Variants in LTF observed in about 807,000 individuals in gnomAD.
The protein encoded by LTF is lactotransferrin, also known as epididymis luminal protein 110.
Under a neutral mutation model 87.2 loss-of-function variants are expected in LTF, and 91 were observed. The ratio of observed to expected loss-of-function variants is 1.04; its 90% CI spans 0.88 to 1.24. The LOEUF (loss-of-function observed/expected upper bound fraction) is 1.24, where lower values mean the gene tolerates loss of function less well. Among genes scored for constraint, LTF ranks in the 50% most tolerant of loss-of-function variants. LTF has a pLI of 0.00. For synonymous variants in LTF, 378 were observed against 356.1 expected (o/e 1.06, Z -0.69); for missense variants, 901 against 904.3 (o/e 1.00, Z 0.05).
At chr3:46,459,452 G>C (rs540977758) in intron 2 of LTF, among the ~76,000 whole-genome samples, 2 of 152,328 alleles carry the variant, frequency 1.3e-5, no homozygotes, top group South Asian at 4.1e-4. Context: ...GGAGGCTCCA[G>C]GTTCCTCACA....
intron 1 of LTF, among the ~76,000 whole-genome samples, chr3:46,482,162 A>G (rs1171516527): frequency 6.6e-6 from 1 of 152,148 alleles, no homozygotes; most frequent in Non-Finnish European, 1.5e-5. Flanking sequence ...CTGCATTATT[A>G]ACATTTTCTC....
intron 1 of LTF, among the ~76,000 whole-genome samples, chr3:46,484,144 A>C (rs1703486567): frequency 6.6e-6 from 1 of 152,162 alleles, no homozygotes; most frequent in East Asian, 1.9e-4. Context: ...CAATGGCTGA[A>C]GAGGGAAGGG....
Position 46,437,961 on chromosome 3 carries a change from G to A in LTF, c.2077C>T (p.Leu693=), listed in dbSNP as rs1702424241. The change falls in exon 16 of 17, where the codon CTG becomes TTG. Residue 693 remains leucine, a synonymous_variant. Coordinates refer to ENST00000231751, the MANE Select transcript of LTF (RefSeq NM_002343.6). The part of the protein sequence containing the change: ...GPQYVAGITN[L]KKCSTSPLLE... Reference sequence around the variant, plus strand: ...TTACGGGAGGTTGAGCACTTTTTCAGATTAGTAATGCCTGCGACATACTGT... The same window carrying A: ...TTACGGGAGGTTGAGCACTTTTTCAAATTAGTAATGCCTGCGACATACTGT... 7 of 1,613,626 alleles carry A rather than the reference G, an allele frequency of 4.3e-6. No homozygotes were observed. Among genetic ancestry groups the A allele is most frequent in the South Asian group, 3.3e-5 (3 of 91,016 alleles).
intron 1 of LTF, among the ~76,000 whole-genome samples, chr3:46,472,758 C>T (rs374450644): frequency 1.6e-3 from 238 of 152,168 alleles, no homozygotes; most frequent in African/African-American, 5.6e-3. Context: ...GAGAGCAATG[C>T]CTCTGAACCA....
At chr3:46,472,488 TTGTGTGTGTGTGTGTG>T (rs34825595) in intron 1 of LTF, among the ~76,000 whole-genome samples, 1 of 106,890 alleles carries the variant, frequency 9.4e-6, no homozygotes, top group African/African-American at 3.9e-5. Flanking sequence ...GAAAAGATTA[TTGTGTGTGTGTGTGTG>T]TGTGTGTGTG....
chr3:46,456,413 G>T lies in LTF; in HGVS notation c.208-15C>A, dbSNP rs775603726. ...GCCCTGTTTTCCTGAAAGTAAAGAG[G>T]CCAGACTGGCTTCAGCAGAAAACTC... On this transcript the variant is annotated splice_polypyrimidine_tract_variant and intron_variant, in intron 2 of 16. Transcript: ENST00000231751. The T allele has an allele frequency of 2.5e-6, 4 of 1,605,642 alleles. No individual in the cohort carries two copies. In the South Asian group the frequency reaches 3.3e-5, roughly 13 times the overall value.
upstream of LTF, among the ~76,000 whole-genome samples, chr3:46,468,712 A>T (rs1254297720): frequency 6.6e-6 from 1 of 152,212 alleles, no homozygotes; most frequent in Non-Finnish European, 1.5e-5. Context: ...CCTTCCTGAG[A>T]CATCAACTCA....
chr3:46,456,430 A>G (rs765559330), intron 2 of LTF, 32 bp from the exon 3 acceptor site: 10 of 1,587,404 alleles, frequency 6.3e-6, no homozygotes, highest in Non-Finnish European at 8.7e-6. Context: ...TGGCTTCAGC[A>G]GAAAACTCAC....
intron 6 of LTF, among the ~76,000 whole-genome samples, chr3:46,453,108 T>C (rs1256596409): frequency 1.3e-5 from 2 of 152,214 alleles, no homozygotes; most frequent in Non-Finnish European, 2.9e-5. Context: ...AAGGAACTTC[T>C]GTCCTTGAAT....
At chr3:46,472,521 T>TGA (rs1159615819) in intron 1 of LTF, among the ~76,000 whole-genome samples, 1 of 148,384 alleles carries the variant, frequency 6.7e-6, no homozygotes, top group African/African-American at 2.6e-5. Context: ...TGTGTGTGTG[T>TGA]GTGTGTGAGA....
chr3:46,440,288 A>G (rs1702488560), intron 14 of LTF, among the ~76,000 whole-genome samples: 1 of 152,224 alleles, frequency 6.6e-6, no homozygotes. Context: ...ACATTCAAGG[A>G]GAAATTGGTT....
intron 1 of LTF, among the ~76,000 whole-genome samples, chr3:46,472,622 C>T (rs1175412712): frequency 6.6e-6 from 1 of 150,538 alleles, no homozygotes; most frequent in Non-Finnish European, 1.5e-5. Context: ...CCTCGAACTC[C>T]CAGGCTCAAG....
In LTF at chr3:46,456,384, A is replaced by G; in HGVS notation, c.222T>C (p.Asp74=). The G allele has an allele frequency of 1.2e-6, 2 of 1,614,160 alleles. No individual in the cohort carries two copies. The highest frequency in any genetic ancestry group is 1.7e-6 in the Non-Finnish European group (2 of 1,179,998). Residue 74 remains aspartate (D), a synonymous_variant, in exon 3 of 17, where the codon GAT becomes GAC. Transcript: ENST00000231751. ...CIQAIAENRA[D]AVTLDGGFIY... is the part of the protein sequence containing the mutation. ...TGAAACCACCATCAAGGGTCACAGC[A>G]TCGGCCCTGTTTTCCTGAAAGTAAA...
intron 13 of LTF, among the ~76,000 whole-genome samples, chr3:46,443,138 A>G (rs1702562549): frequency 6.6e-6 from 1 of 152,228 alleles, no homozygotes; most frequent in African/African-American, 2.4e-5. Flanking sequence ...CACTTAGGAT[A>G]CCACACTCTA....
intron 12 of LTF, among the ~76,000 whole-genome samples, chr3:46,444,609 G>A (rs111900245): frequency 6.6e-6 from 1 of 152,354 alleles, no homozygotes; most frequent in Non-Finnish European, 1.5e-5. Flanking sequence ...GAGCTGGTGA[G>A]GAGCAGAGCC....
chr3:46,450,504 G>T lies in LTF; in HGVS notation c.873C>A (p.Arg291=), dbSNP rs767699434. 6.2e-6 allele frequency: 10 copies of T among 1,611,476 alleles called. No individual in the cohort carries two copies. The highest frequency in any genetic ancestry group is 8.5e-6 in the Non-Finnish European group (10 of 1,179,214). ...GKEDAIWNLL[R]QAQEKFGKDK... is the part of the protein sequence containing the mutation. ...CCGTGGGTGAAGATACCTGTGCCTG[G>T]CGGAGAAGATTCCAGATGGCATCCT... The change falls in exon 7 of 17, where the codon CGC becomes CGA. Residue 291 remains arginine (R), a synonymous_variant. Coordinates refer to ENST00000231751, the MANE Select transcript of LTF (RefSeq NM_002343.6).
chr3:46,441,297 T>G (rs183611321), intron 14 of LTF, 119 bp downstream of exon 14: 1 of 747,072 alleles, frequency 1.3e-6, no homozygotes, highest in East Asian at 2.7e-5. Flanking sequence ...TTTGGAGTTC[T>G]TTTAATCACA....
upstream of LTF, among the ~76,000 whole-genome samples, chr3:46,465,616 CT>C (rs1373834407): frequency 1.4e-5 from 2 of 143,736 alleles, no homozygotes; most frequent in African/African-American, 2.6e-5. Flanking sequence ...TTTTTTTTGT[CT>C]TTTTTTTCTC....
At chr3:46,481,013 G>A (rs1703424427) in intron 1 of LTF, among the ~76,000 whole-genome samples, 1 of 152,128 alleles carries the variant, frequency 6.6e-6, no homozygotes, top group South Asian at 2.1e-4. Flanking sequence ...CTGATAGGCA[G>A]CACGGCCCAG....
Sources: gnomAD v4.1 joint callset for allele counts (sites outside exome capture counted in the v4.1 genomes callset) on GRCh38, gnomAD v4.1.1 for gene constraint, MANE v1.5 for transcripts, NCBI Gene and HGNC (gene_info 2026-07-23, HGNC 2026-07-21) for gene names.